The following NSMCE2 variants were observed in gnomAD, a reference collection of about 807,000 sequenced individuals.
The protein encoded by NSMCE2 is E3 SUMO-protein ligase NSE2.
NSMCE2 carries 24 observed loss-of-function variants against 23.8 expected under a neutral mutation model. That is an observed-to-expected ratio of 1.01 (90% CI 0.73 to 1.42). NSMCE2 has a LOEUF of 1.42. NSMCE2 is among the 40% of genes most tolerant of loss of function. NSMCE2 has a pLI of 0.00. For missense variants in NSMCE2, 284 were observed against 296.5 expected (o/e 0.96, Z 0.31); for synonymous variants, 92 against 94.1 (o/e 0.98, Z 0.13).
chr8:125,349,989 TAA>T (rs956252611), intron 5 of NSMCE2, among the ~76,000 whole-genome samples: 5 of 152,352 alleles, frequency 3.3e-5, no homozygotes, highest in Non-Finnish European at 7.3e-5. Context: ...CTAAATATGT[TAA>T]GTGTAATCTT....
intron 5 of NSMCE2, among the ~76,000 whole-genome samples, chr8:125,230,814 A>G (rs755775204): frequency 6.6e-6 from 1 of 152,206 alleles, no homozygotes; most frequent in Non-Finnish European, 1.5e-5. Flanking sequence ...GCAAAGAAAA[A>G]TCATCTTCAA....
intron 5 of NSMCE2, among the ~76,000 whole-genome samples, chr8:125,188,736 C>G (rs562459078): frequency 6.6e-5 from 10 of 152,258 alleles, no homozygotes; most frequent in African/African-American, 1.9e-4. Flanking sequence ...GTTTTGCTTT[C>G]AGGATACTGC....
intron 5 of NSMCE2, among the ~76,000 whole-genome samples, chr8:125,203,559 A>G (rs1823980004): frequency 6.6e-6 from 1 of 152,254 alleles, no homozygotes. Flanking sequence ...TTTTAAGTTC[A>G]TAGCAAAATT....
intron 5 of NSMCE2, among the ~76,000 whole-genome samples, chr8:125,234,169 G>A (rs1449452837): frequency 1.3e-5 from 2 of 152,062 alleles, no homozygotes; most frequent in African/African-American, 2.4e-5. Flanking sequence ...CTCCAGCCTG[G>A]GCGACAGAGC....
chr8:125,273,935 A>G (rs925639052), intron 5 of NSMCE2, among the ~76,000 whole-genome samples: 1 of 152,216 alleles, frequency 6.6e-6, no homozygotes, highest in Non-Finnish European at 1.5e-5. Flanking sequence ...GCAGGTGCCC[A>G]GGCTTTTTCT....
intron 5 of NSMCE2, among the ~76,000 whole-genome samples, chr8:125,203,454 T>C (rs1196911573): frequency 3.3e-5 from 5 of 152,192 alleles, no homozygotes; most frequent in African/African-American, 1.2e-4. Flanking sequence ...CTTTGAGATA[T>C]ATACAGCCCA....
intron 5 of NSMCE2, among the ~76,000 whole-genome samples, chr8:125,300,559 G>A (rs1198604254): frequency 2.0e-5 from 3 of 152,180 alleles, no homozygotes; most frequent in Non-Finnish European, 4.4e-5. Flanking sequence ...AGTTGGCACT[G>A]TTCCATTCAA....
chr8:125,122,172 CAAAAAA>C (rs796879544), intron 3 of NSMCE2, among the ~76,000 whole-genome samples: 2 of 45,974 alleles, frequency 4.4e-5, no homozygotes, highest in Non-Finnish European at 4.1e-5. Context: ...CTGGCTGAGC[CAAAAAA>C]AAAAAAAAAA....
intron 5 of NSMCE2, among the ~76,000 whole-genome samples, chr8:125,207,553 A>G (rs1027416179): frequency 6.6e-6 from 1 of 152,230 alleles, no homozygotes. Flanking sequence ...TTGTGACACC[A>G]TTTAAGTGTC....
chr8:125,156,104 A>C, intron 4 of NSMCE2: 1 of 329,926 alleles, frequency 3.0e-6, no homozygotes. Context: ...ACATAGTAAG[A>C]CTCCATCTCT....
intron 5 of NSMCE2, among the ~76,000 whole-genome samples, chr8:125,349,051 ACAC>A (rs1432722574): frequency 6.6e-6 from 1 of 150,688 alleles, no homozygotes; most frequent in East Asian, 1.9e-4. Flanking sequence ...ACACACACAC[ACAC>A]ACACACACAG....
chr8:125,171,391 A>C (rs144919737), intron 4 of NSMCE2, among the ~76,000 whole-genome samples: 1 of 152,206 alleles, frequency 6.6e-6, no homozygotes, highest in Non-Finnish European at 1.5e-5. Context: ...GCGATATAAC[A>C]GACCTGCTAA....
At chr8:125,185,120 A>G (rs2130810927) in intron 5 of NSMCE2, among the ~76,000 whole-genome samples, 1 of 152,266 alleles carries the variant, frequency 6.6e-6, no homozygotes, top group South Asian at 2.1e-4. Flanking sequence ...GAGAAATGCT[A>G]GGAATCTTTT....
At chr8:125,359,989 GA>G (rs557767917) in intron 7 of NSMCE2, among the ~76,000 whole-genome samples, 3 of 152,168 alleles carry the variant, frequency 2.0e-5, no homozygotes, top group African/African-American at 7.2e-5. Context: ...TTAAGTTATA[GA>G]AAATTAGAGT....
intron 6 of NSMCE2, among the ~76,000 whole-genome samples, 169 bp downstream of exon 6, chr8:125,357,488 T>C (rs1813332766): frequency 6.6e-6 from 1 of 152,182 alleles, no homozygotes; most frequent in Non-Finnish European, 1.5e-5. Context: ...TGGAGAGAGC[T>C]GTCAGTCAAT....
intron 7 of NSMCE2, among the ~76,000 whole-genome samples, chr8:125,364,833 A>G (rs984610413): frequency 2.6e-5 from 4 of 152,204 alleles, no homozygotes; most frequent in Non-Finnish European, 4.4e-5. Context: ...CTCAGAGGCA[A>G]GGGAGGCTCA....
At chr8:125,169,507 G>C (rs1370739360) in intron 4 of NSMCE2, among the ~76,000 whole-genome samples, 2 of 152,142 alleles carry the variant, frequency 1.3e-5, no homozygotes, top group African/African-American at 4.8e-5. Flanking sequence ...CATCCACCCA[G>C]TTTCTCCTAT....
At chr8:125,133,736 A>G (rs1457416856) in intron 3 of NSMCE2, among the ~76,000 whole-genome samples, 1 of 152,004 alleles carries the variant, frequency 6.6e-6, no homozygotes, top group African/African-American at 2.4e-5. Flanking sequence ...TCTCAAAAAA[A>G]CAAAGCAACA....
chr8:125,361,014 T>A (rs1813520073), intron 7 of NSMCE2, among the ~76,000 whole-genome samples: 1 of 152,138 alleles, frequency 6.6e-6, no homozygotes. Context: ...AAAATATATC[T>A]GTTAACAATA....
Sources: gnomAD v4.1 joint callset for allele counts (sites outside exome capture counted in the v4.1 genomes callset) on GRCh38, gnomAD v4.1.1 for gene constraint, MANE v1.5 for transcripts, NCBI Gene and HGNC (gene_info 2026-07-23, HGNC 2026-07-21) for gene names.